Variants in EVI5 observed in about 807,000 individuals in gnomAD.
The protein encoded by EVI5 is ecotropic viral integration site 5, also known as ecotropic viral integration site 5 protein homolog.
Under a neutral mutation model 112.0 loss-of-function variants are expected in EVI5, and 73 were observed. The observed-to-expected ratio is 0.65, with a 90% CI of 0.54 to 0.79. The LOEUF (loss-of-function observed/expected upper bound fraction) is 0.79. EVI5 is among the 30% of genes least tolerant of loss of function. The probability of loss-of-function intolerance (pLI) is 0.00; values close to 1 mark genes in which losing one functional copy is unlikely to be tolerated. For missense variants in EVI5, 900 were observed against 968.8 expected (o/e 0.93, Z 0.94); for synonymous variants, 305 against 319.9 (o/e 0.95, Z 0.50).
At chr1:92,664,495 A>AAC (rs1553232379) in intron 11 of EVI5, among the ~76,000 whole-genome samples, 2 of 151,672 alleles carry the variant, frequency 1.3e-5, no homozygotes, top group Admixed American at 6.6e-5. Context: ...TAAAAAAAAA[A>AAC]AAAAACTAAG....
At chr1:92,514,964 C>T (rs566061214) in intron 19 of EVI5, among the ~76,000 whole-genome samples, 3 of 152,214 alleles carry the variant, frequency 2.0e-5, no homozygotes, top group Non-Finnish European at 4.4e-5. Flanking sequence ...AGGAATGCTG[C>T]TTCCCACTCA....
At chr1:92,749,291 TG>T in intron 1 of EVI5, 1 of 313,108 alleles carries the variant, frequency 3.2e-6, no homozygotes, top group Non-Finnish European at 6.2e-6. Flanking sequence ...GTACCAGCCA[TG>T]GTATAGAGCT....
intron 1 of EVI5, among the ~76,000 whole-genome samples, chr1:92,781,272 C>T (rs1684828358): frequency 2.0e-5 from 3 of 152,022 alleles, no homozygotes; most frequent in South Asian, 4.2e-4. Flanking sequence ...TTTGGGAAGC[C>T]GAAGAGGGCA....
At chr1:92,710,707 G>T (rs1570508477) in intron 2 of EVI5, among the ~76,000 whole-genome samples, 1 of 150,864 alleles carries the variant, frequency 6.6e-6, no homozygotes, top group Non-Finnish European at 1.5e-5. Flanking sequence ...TGATCCAAGG[G>T]CAGCCACTGA....
intron 9 of EVI5, among the ~76,000 whole-genome samples, chr1:92,690,881 G>A (rs1056745487): frequency 4.6e-5 from 7 of 152,150 alleles, no homozygotes; most frequent in African/African-American, 1.4e-4. Context: ...AAAGTACATG[G>A]TATCACCTAT....
intron 18 of EVI5, among the ~76,000 whole-genome samples, chr1:92,575,664 G>A (rs1390503263): frequency 2.1e-5 from 3 of 142,638 alleles, no homozygotes; most frequent in African/African-American, 7.8e-5. Context: ...CTGCTTCCTG[G>A]GTTCAAGCGA....
At chr1:92,548,983 T>G (rs1304269967) in intron 19 of EVI5, among the ~76,000 whole-genome samples, 1 of 152,082 alleles carries the variant, frequency 6.6e-6, no homozygotes, top group Non-Finnish European at 1.5e-5. Context: ...CTTCACAGAA[T>G]TGGAAAAAAC....
intron 1 of EVI5, among the ~76,000 whole-genome samples, chr1:92,758,428 G>A (rs1681283716): frequency 6.6e-6 from 1 of 151,984 alleles, no homozygotes; most frequent in Non-Finnish European, 1.5e-5. Context: ...AATTAGCCGG[G>A]CATAGTGGCG....
At chr1:92,722,112 T>C (rs1481132574) in intron 2 of EVI5, among the ~76,000 whole-genome samples, 1 of 152,164 alleles carries the variant, frequency 6.6e-6, no homozygotes, top group African/African-American at 2.4e-5. Context: ...ATGTACCACA[T>C]GGCTAAATCA....
intron 11 of EVI5, among the ~76,000 whole-genome samples, chr1:92,665,088 C>G (rs1317433110): frequency 6.6e-6 from 1 of 152,096 alleles, no homozygotes; most frequent in Non-Finnish European, 1.5e-5. Context: ...GCCTATAATC[C>G]CAGCTACTCA....
At chr1:92,721,368 T>C (rs1326118620) in intron 2 of EVI5, among the ~76,000 whole-genome samples, 1 of 152,208 alleles carries the variant, frequency 6.6e-6, no homozygotes, top group Non-Finnish European at 1.5e-5. Context: ...TGAGTTCATG[T>C]ACTTTGTAGG....
chr1:92,536,418 G>A (rs189374489), intron 19 of EVI5, among the ~76,000 whole-genome samples: 1 of 152,250 alleles, frequency 6.6e-6, no homozygotes, highest in East Asian at 1.9e-4. Flanking sequence ...ACAGGAAACA[G>A]CAGAGTTTCT....
intron 2 of EVI5, chr1:92,733,034 G>C (rs1340144751): frequency 1.2e-5 from 2 of 162,856 alleles, no homozygotes; most frequent in Non-Finnish European, 2.7e-5. Flanking sequence ...GCAATACAGT[G>C]AGACCTCGTC....
intron 18 of EVI5, among the ~76,000 whole-genome samples, chr1:92,576,593 C>T (rs1025874810): frequency 2.0e-5 from 3 of 152,070 alleles, no homozygotes; most frequent in African/African-American, 4.8e-5. Context: ...AGGCAAGTAA[C>T]TGAATAATTT....
At chr1:92,750,909 G>A (rs963197400) in intron 1 of EVI5, among the ~76,000 whole-genome samples, 3 of 152,116 alleles carry the variant, frequency 2.0e-5, no homozygotes, top group African/African-American at 7.2e-5. Flanking sequence ...CCAGCACTTT[G>A]GGAGGCCGAG....
chr1:92,750,589 G>T (rs1207492809), intron 1 of EVI5, among the ~76,000 whole-genome samples: 1 of 152,018 alleles, frequency 6.6e-6, no homozygotes, highest in Non-Finnish European at 1.5e-5. Context: ...AATAATTTTT[G>T]AACTTTCCTA....
intron 9 of EVI5, among the ~76,000 whole-genome samples, chr1:92,691,375 C>A (rs1235487498): frequency 1.3e-5 from 2 of 151,110 alleles, no homozygotes; most frequent in South Asian, 4.2e-4. Flanking sequence ...CTTTGAAATA[C>A]TTTGAAAAAA....
intron 19 of EVI5, among the ~76,000 whole-genome samples, chr1:92,533,419 C>T (rs1339043367): frequency 1.3e-5 from 2 of 152,146 alleles, no homozygotes; most frequent in African/African-American, 4.8e-5. Context: ...AAGAGGGAAT[C>T]CTCCTTAACT....
intron 18 of EVI5, among the ~76,000 whole-genome samples, chr1:92,588,756 A>C (rs1673210522): frequency 6.6e-6 from 1 of 152,268 alleles, no homozygotes; most frequent in African/African-American, 2.4e-5. Flanking sequence ...AATTGAAACC[A>C]ATACTTCATT....
Sources: allele counts gnomAD v4.1 joint callset (sites outside exome capture counted in the v4.1 genomes callset), GRCh38; gene constraint gnomAD v4.1.1; transcripts MANE v1.5; gene names NCBI Gene and HGNC (gene_info 2026-07-23, HGNC 2026-07-21).